The following NFIC variants were observed in gnomAD, a reference collection of about 807,000 sequenced individuals.
NFIC encodes the protein nuclear factor I C.
Under a neutral mutation model 54.4 loss-of-function variants are expected in NFIC, and 12 were observed. The ratio of observed to expected loss-of-function variants is 0.22; its 90% confidence interval spans 0.14 to 0.36. NFIC has a LOEUF of 0.36. NFIC is among the 10% of genes least tolerant of loss of function. The probability of loss-of-function intolerance (pLI) is 1.00; values close to 1 mark genes in which losing one functional copy is unlikely to be tolerated. For missense variants in NFIC, 575 were observed against 718.2 expected (o/e 0.80, Z 2.28); for synonymous variants, 322 against 319.2 (o/e 1.01, Z -0.09).
intron 10 of NFIC, among the ~76,000 whole-genome samples, chr19:3,461,832 G>A (rs1219316197): frequency 6.6e-6 from 1 of 152,016 alleles, no homozygotes; most frequent in Non-Finnish European, 1.5e-5. Context: ...GAGGCGGGCG[G>A]ATCACGAGGT....
chr19:3,435,214 C>G lies in NFIC; in HGVS notation c.958+7C>G, dbSNP rs774122868. 1.9e-6 allele frequency: 3 copies of G among 1,577,540 alleles called. No homozygotes were observed. On this transcript the variant is annotated splice_region_variant and intron_variant, in intron 6 of 10. Transcript: ENST00000443272. ...ACGGAGGACATGGAAGGAGGTAGGG[C>G]TGGTGGCGGGGGCGGAGCCGGCCTT...
At chr19:3,423,617 G>A (rs2081985641) in intron 2 of NFIC, among the ~76,000 whole-genome samples, 1 of 152,208 alleles carries the variant, frequency 6.6e-6, no homozygotes, top group South Asian at 2.1e-4. Flanking sequence ...GGGGGCGGAT[G>A]TGACTCGTCC....
At chr19:3,410,540 G>C (rs2081739300) in intron 2 of NFIC, 1 of 152,456 alleles carries the variant, frequency 6.6e-6, no homozygotes, top group African/African-American at 2.4e-5. Flanking sequence ...GGGGAGACAG[G>C]AAGGAGGGGA....
At chr19:3,398,994 G>T (rs1042212837) in intron 2 of NFIC, among the ~76,000 whole-genome samples, 20 of 152,258 alleles carry the variant, frequency 1.3e-4, no homozygotes, top group African/African-American at 4.6e-4. Context: ...CCCAGGGCGG[G>T]GGTTCAGCTG....
Position 3,370,405 on chromosome 19 carries a change from G to T in NFIC, c.30+3739G>T, listed in dbSNP as rs1000143319. ...TTTCTCCCCCTCCCCTCTCTGCGGC[G>T]GAGGTGCCTCTGCGCGCCAGGGCCA... On this transcript the variant is annotated intron_variant, in intron 1 of 10. Coordinates refer to ENST00000443272, the MANE Select transcript of NFIC (RefSeq NM_001245002.2). The surrounding 1 kb of genome is among the most constrained non-coding windows in gnomAD (Gnocchi z 5.2). Among the ~76,000 whole-genome samples the T allele has an allele frequency of 1.3e-5, 2 of 151,746 alleles. No homozygotes were observed. The highest frequency in any genetic ancestry group is 4.8e-5 in the African/African-American group (2 of 41,300).
intron 6 of NFIC, among the ~76,000 whole-genome samples, chr19:3,442,110 G>A (rs1357207153): frequency 6.6e-6 from 1 of 152,202 alleles, no homozygotes; most frequent in East Asian, 1.9e-4. Flanking sequence ...ACACCTCCAG[G>A]CCCCACATTC....
chr19:3,362,261 T>C (rs2080821004), upstream of NFIC, among the ~76,000 whole-genome samples: 1 of 151,966 alleles, frequency 6.6e-6, no homozygotes. Flanking sequence ...GTGTGGAGTG[T>C]GTCTGTGATT....
At chr19:3,395,824 G>A (rs1379179465) in intron 2 of NFIC, among the ~76,000 whole-genome samples, 1 of 152,054 alleles carries the variant, frequency 6.6e-6, no homozygotes, top group Non-Finnish European at 1.5e-5. Flanking sequence ...GGGATTACAG[G>A]CGCGTGCCAC....
intron 6 of NFIC, among the ~76,000 whole-genome samples, chr19:3,441,787 G>A (rs1049627062): frequency 6.6e-6 from 1 of 152,214 alleles, no homozygotes; most frequent in Non-Finnish European, 1.5e-5. Context: ...CGCAGAGGGA[G>A]GACACAAAAC....
At chr19:3,372,849 C>CT (rs201917998) in intron 1 of NFIC, among the ~76,000 whole-genome samples, 24,088 of 146,516 alleles carry the variant, frequency 0.16, 2,182 homozygotes, top group East Asian at 0.44. Flanking sequence ...TCATAGTAGA[C>CT]TTTTTTTTTT....
chr19:3,429,248 ATATATACACACACAC>A (rs1568443737), intron 3 of NFIC, among the ~76,000 whole-genome samples: 2 of 60,220 alleles, frequency 3.3e-5, no homozygotes, highest in Admixed American at 2.2e-4. Context: ...AAAAAAAAAA[ATATATACACACACAC>A]ACACACACAC....
chr19:3,373,397 C>G (rs768813106), intron 1 of NFIC, among the ~76,000 whole-genome samples: 113 of 152,118 alleles, frequency 7.4e-4, no homozygotes, highest in Non-Finnish European at 9.3e-4. Context: ...CCCTGCCCAG[C>G]CTGTCCTTGT....
chr19:3,363,433 G>A (rs1033195394), upstream of NFIC, among the ~76,000 whole-genome samples: 13 of 151,260 alleles, frequency 8.6e-5, no homozygotes, highest in South Asian at 2.1e-4. Flanking sequence ...GCCCATGCCC[G>A]GCTAATTTTT....
rs899501896 is a variant in NFIC, at chr19:3,435,294, G to C, written c.958+87G>C. The C allele has an allele frequency of 7.7e-6, 11 of 1,434,252 alleles. No homozygotes were observed. In the African/African-American group the frequency reaches 1.1e-4, roughly 15 times the overall value. 88.8% of individuals were successfully genotyped at this position (1,434,252 alleles called of 1,614,324 possible). On this transcript the variant is annotated intron_variant, in intron 6 of 10. Transcript: ENST00000443272. Reference sequence around the variant, plus strand: ...GTCTTCCGGCAGCCACTGCGCGGGCGCCGCGGGGCAGGAAGCCGGCCTGGA... The same window carrying C: ...GTCTTCCGGCAGCCACTGCGCGGGCCCCGCGGGGCAGGAAGCCGGCCTGGA...
intron 1 of NFIC, among the ~76,000 whole-genome samples, chr19:3,361,481 C>G (rs2080810751): frequency 6.6e-6 from 1 of 151,952 alleles, no homozygotes; most frequent in Non-Finnish European, 1.5e-5. Flanking sequence ...CAGGGAAATC[C>G]CCGCCGCTCT....
At chr19:3,384,678 C>G (rs771497997) in intron 2 of NFIC, among the ~76,000 whole-genome samples, 13 of 152,130 alleles carry the variant, frequency 8.5e-5, no homozygotes, top group Non-Finnish European at 1.3e-4. Flanking sequence ...CGTGAGCCAC[C>G]GCGCCCGGCA....
In NFIC at chr19:3,394,322, A is replaced by T. The variant is rs187691104; in HGVS notation, c.562+12079A>T. On this transcript the variant is annotated intron_variant, in intron 2 of 10. Coordinates refer to ENST00000443272, the MANE Select transcript of NFIC (RefSeq NM_001245002.2). The stretch of plus-strand genomic sequence containing the variant: ...ACTAAGACCTTGTCTCTACAAAAAA[A>T]TTAAAAAATTAGCCAGGCGTGGTGG... Among the ~76,000 whole-genome samples, 300 of 151,940 alleles carry T rather than the reference A, an allele frequency of 2.0e-3. 3 individuals carry two copies. The highest frequency in any genetic ancestry group is 0.01 in the Admixed American group (155 of 15,216).
At chr19:3,435,839 T>TTTC (rs1568181639) in intron 6 of NFIC, among the ~76,000 whole-genome samples, 1 of 151,640 alleles carries the variant, frequency 6.6e-6, no homozygotes, top group East Asian at 1.9e-4. Context: ...TTCTTTCTTT[T>TTTC]TTTTGAGATG....
chr19:3,462,691 G>C, intron 10 of NFIC, 61 bp from the exon 11 acceptor site: 2 of 1,578,022 alleles, frequency 1.3e-6, no homozygotes, highest in Non-Finnish European at 1.7e-6. Context: ...AGCAGAGTCT[G>C]ACCCCTCGAC....
Sources: gnomAD v4.1 joint callset for allele counts (sites outside exome capture counted in the v4.1 genomes callset) on GRCh38, gnomAD v4.1.1 for gene constraint, Gnocchi (gnomAD v3.1) non-coding constraint, MANE v1.5 for transcripts, NCBI Gene and HGNC (gene_info 2026-07-23, HGNC 2026-07-21) for gene names.